INTS4: variants seen among roughly 807,000 people sequenced by gnomAD.
INTS4 encodes MSTP093.
In INTS4, 70 loss-of-function variants were observed where a neutral mutation model predicts 119.5. The ratio of observed to expected loss-of-function variants is 0.59; its 90% CI spans 0.48 to 0.71. The LOEUF (loss-of-function observed/expected upper bound fraction) is 0.71, where lower values mean the gene tolerates loss of function less well. Among genes scored for constraint, INTS4 ranks in the 30% least tolerant of loss-of-function variants. The probability of loss-of-function intolerance (pLI) is 0.00; values close to 1 mark genes in which losing one functional copy is unlikely to be tolerated. For missense variants in INTS4, 867 were observed against 1,173.2 expected (o/e 0.74, Z 3.81); for synonymous variants, 316 against 419.6 (o/e 0.75, Z 3.02).
chr11:77,947,075 T>C (rs632412), intron 8 of INTS4, among the ~76,000 whole-genome samples: 85,454 of 147,950 alleles, frequency 0.58, 24,969 homozygotes, highest in African/African-American at 0.61. Flanking sequence ...ATTTCTGACC[T>C]TGAAGACAGG....
rs1175218946 is a variant in INTS4, at chr11:77,963,369, AAAAAAC to A, written c.472-2237_472-2232del. ...CTCCGTCTCAAAAAAAAAAAAAAAA[AAAAAAC>A]AAAAAAAACTGCTTTTCTTTATACT... On this transcript the variant is annotated intron_variant, in intron 4 of 22. Transcript: ENST00000534064. 3.6e-3 allele frequency: 1,167 copies of A among 321,534 alleles called. 16 individuals are homozygous for A. The highest frequency in any genetic ancestry group is 6.4e-3 in the African/African-American group (181 of 28,218). 19.9% of individuals were successfully genotyped at this position (321,534 alleles called of 1,614,324 possible). A position where few individuals can be genotyped will look rare whatever the true frequency, so the allele number is the denominator to read the frequency against.
chr11:77,876,994 G>T (rs1015397745), downstream of INTS4: 5 of 703,098 alleles, frequency 7.1e-6, no homozygotes, highest in Admixed American at 2.0e-5. Flanking sequence ...TCAGGGCTGT[G>T]GTACAATTCC....
chr11:77,969,501 C>T (rs1348974983), intron 4 of INTS4, among the ~76,000 whole-genome samples: 1 of 152,134 alleles, frequency 6.6e-6, no homozygotes, highest in Non-Finnish European at 1.5e-5. Flanking sequence ...TCACCTCAGC[C>T]TCCCAAAGTA....
intron 11 of INTS4, among the ~76,000 whole-genome samples, chr11:77,927,327 A>T (rs1049229004): frequency 3.9e-5 from 6 of 152,220 alleles, no homozygotes; most frequent in Non-Finnish European, 5.9e-5. Context: ...AAATCTCAGT[A>T]GAAGTGCTAA....
downstream of INTS4, among the ~76,000 whole-genome samples, chr11:77,877,383 T>C (rs1951628131): frequency 6.6e-6 from 1 of 152,366 alleles, no homozygotes; most frequent in East Asian, 1.9e-4. Context: ...CTTGCTATTA[T>C]TTTTATAAGC....
chr11:77,964,168 A>C lies in INTS4; in HGVS notation c.472-3030T>G, dbSNP rs185014888. Among the ~76,000 whole-genome samples, 568 of 152,328 alleles carry C rather than the reference A, an allele frequency of 3.7e-3. 4 individuals carry two copies. The highest frequency in any genetic ancestry group is 0.013 in the African/African-American group (534 of 41,576). The stretch of plus-strand genomic sequence containing the variant: ...TCAAATGAGGATTAGCTATCCAATA[A>C]GTGAAATGATTAAGGAGAGGATAAA... On this transcript the variant is annotated intron_variant, in intron 4 of 22. Coordinates refer to ENST00000534064, the MANE Select transcript of INTS4 (RefSeq NM_033547.4).
chr11:77,950,769 C>CA (rs1954171592), intron 8 of INTS4, among the ~76,000 whole-genome samples: 16 of 152,142 alleles, frequency 1.1e-4, no homozygotes, highest in Admixed American at 9.2e-4. Flanking sequence ...ATGTGCACAA[C>CA]GTGCAGGTTA....
At chr11:77,981,948 A>C (rs1012915174) in intron 2 of INTS4, among the ~76,000 whole-genome samples, 2 of 151,986 alleles carry the variant, frequency 1.3e-5, no homozygotes, top group African/African-American at 4.8e-5. Flanking sequence ...TTCTAATAAA[A>C]AACGTGCCAC....
rs777365865 is a variant in INTS4 at position 77,883,853 on chromosome 11, G to A, written c.2692C>T (p.Leu898Phe). Residue 898 changes from leucine (L) to phenylalanine (F), a missense_variant, in exon 22 of 23, where the codon CTC (leucine) becomes TTC (phenylalanine). Leu to Phe is a conservative substitution (Grantham distance 22). This residue lies in a region of INTS4 where 122 missense variants were observed against 133.2 expected (regional missense o/e 0.92). Coordinates refer to ENST00000534064, the MANE Select transcript of INTS4 (RefSeq NM_033547.4). Reference protein sequence around the residue: ...GRHRLITQVYLSHTAWTEACQ... With the variant: ...GRHRLITQVYFSHTAWTEACQ... ...TTACCTGTCCAAGCGGTGTGGGAGA[G>A]ATAAACCTGAGTGATGAGCCGGTGC... is the stretch of plus-strand genomic sequence containing the variant. 9.9e-6 allele frequency: 16 copies of A among 1,612,740 alleles called. No homozygotes were observed. The highest frequency in any genetic ancestry group is 1.3e-5 in the Non-Finnish European group (15 of 1,179,450).
At chr11:77,964,487 C>A (rs948834383) in intron 4 of INTS4, among the ~76,000 whole-genome samples, 2 of 151,776 alleles carry the variant, frequency 1.3e-5, no homozygotes, top group East Asian at 1.9e-4. Flanking sequence ...GGCAGGAGAA[C>A]GGCGTGAACC....
At chr11:77,874,410 G>C (rs949341572), downstream of INTS4, among the ~76,000 whole-genome samples, 3 of 150,368 alleles carry the variant, frequency 2.0e-5, no homozygotes, top group Admixed American at 6.6e-5. Flanking sequence ...AGGTGAGACA[G>C]CTCTGGTGGG....
At chr11:77,936,936 A>G (rs1006933853) in intron 10 of INTS4, among the ~76,000 whole-genome samples, 28 of 152,250 alleles carry the variant, frequency 1.8e-4, no homozygotes, top group African/African-American at 6.5e-4. Context: ...GCACTTTGGG[A>G]GGCTGAAGCG....
At position 77,949,592 on chromosome 11, in the gene INTS4, T is replaced by A. The variant is rs973549021; in HGVS notation, c.918+6350A>T. Among the ~76,000 whole-genome samples, 240 of 150,632 alleles carry A rather than the reference T, an allele frequency of 1.6e-3. 6 individuals are homozygous for A. Among genetic ancestry groups the A allele is most frequent in the Non-Finnish European group, 4.4e-4 (30 of 67,848 alleles). ...GACACTTCTCAAAAGAAGACATTTA[T>A]GTGACCAACAAACATATGAAAGAAA... On this transcript the variant is annotated intron_variant, in intron 8 of 22. Transcript: ENST00000534064.
At chr11:77,903,439 G>A in intron 17 of INTS4, 101 bp downstream of exon 17, 1 of 1,606,060 alleles carries the variant, frequency 6.2e-7, no homozygotes. Flanking sequence ...TTTCCTGCAA[G>A]GCCTACACAG....
At chr11:77,945,355 A>C (rs1396829033) in intron 8 of INTS4, among the ~76,000 whole-genome samples, 1 of 152,120 alleles carries the variant, frequency 6.6e-6, no homozygotes, top group Admixed American at 6.5e-5. Context: ...CCTTGTCCTA[A>C]GCTGCTGTAG....
At chr11:77,891,227 G>A in intron 21 of INTS4, 92 bp downstream of exon 21, 1 of 1,198,746 alleles carries the variant, frequency 8.3e-7, no homozygotes, top group Non-Finnish European at 1.2e-6. Context: ...CCCAGTTTCT[G>A]TCCCTCAAGT....
At chr11:77,939,169 C>G (rs1188488475) in intron 9 of INTS4, among the ~76,000 whole-genome samples, 1 of 152,142 alleles carries the variant, frequency 6.6e-6, no homozygotes, top group Non-Finnish European at 1.5e-5. Context: ...GTAGACAATA[C>G]GTTGACTCTA....
chr11:77,891,922 C>T, intron 19 of INTS4, 82 bp from the exon 20 acceptor site: 1 of 1,587,544 alleles, frequency 6.3e-7, no homozygotes. Flanking sequence ...CCTATCAAAC[C>T]CTGAAGTAGG....
intron 10 of INTS4, among the ~76,000 whole-genome samples, chr11:77,934,099 C>T (rs1445549084): frequency 6.6e-6 from 1 of 151,984 alleles, no homozygotes; most frequent in Non-Finnish European, 1.5e-5. Context: ...ACCCCCAACC[C>T]CGTGCTCTCT....
Sources: gnomAD v4.1 joint callset for allele counts (sites outside exome capture counted in the v4.1 genomes callset) on GRCh38, gnomAD v4.1.1 for gene constraint, gnomAD v4.1.1 regional missense constraint, MANE v1.5 for transcripts, NCBI Gene and HGNC (gene_info 2026-07-23, HGNC 2026-07-21) for gene names.